Variants in MAGI2 observed in about 807,000 individuals in gnomAD.
MAGI2 encodes the protein membrane associated guanylate kinase, WW and PDZ domain containing 2, also known as membrane-associated guanylate kinase, WW and PDZ domain-containing protein 2.
A neutral mutation model predicts 133.3 loss-of-function variants in MAGI2; 35 were observed. The ratio of observed to expected loss-of-function variants is 0.26; its 90% CI spans 0.20 to 0.35. The LOEUF is 0.35. Among genes scored for constraint, MAGI2 ranks in the 10% least tolerant of loss-of-function variants. The pLI is 1.00. For missense variants in MAGI2, 1,636 were observed against 1,863.4 expected, an observed-to-expected ratio of 0.88 and a Z score of 2.25; for synonymous variants, 729 against 710.6, an observed-to-expected ratio of 1.03 and a Z score of -0.41.
chr7:78,760,059 C>T (rs112006799), intron 2 of MAGI2, among the ~76,000 whole-genome samples: 9,770 of 151,860 alleles, frequency 0.064, 355 homozygotes, highest in Admixed American at 0.11. Context: ...GAGGTTGCAG[C>T]GAGCCAAGAT....
At position 78,711,007 on chromosome 7, in the gene MAGI2, G is replaced by C. The variant is rs200391238; in HGVS notation, c.419-83768C>G. ...TAATCTGGCAATTGAAATCAGCTAA[G>C]TCTTTATAAATTCTCTTTGTAGTCT... On this transcript the variant is annotated intron_variant, in intron 2 of 21. Transcript: ENST00000354212. Among the ~76,000 whole-genome samples the C allele has an allele frequency of 2.6e-5, 4 of 152,262 alleles. No homozygotes were observed. The East Asian group carries it at 7.7e-4, about 29-fold the overall frequency.
intron 1 of MAGI2, among the ~76,000 whole-genome samples, chr7:79,418,970 A>G (rs1846747784): frequency 6.6e-6 from 1 of 152,048 alleles, no homozygotes; most frequent in African/African-American, 2.4e-5. Flanking sequence ...AAGAAAAATT[A>G]ATTAACAATG....
chr7:79,403,010 G>A (rs1352434146), intron 1 of MAGI2, among the ~76,000 whole-genome samples: 1 of 152,120 alleles, frequency 6.6e-6, no homozygotes, highest in Non-Finnish European at 1.5e-5. Context: ...CTATTTTATT[G>A]GGTATGAAGA....
chr7:78,325,612 A>T (rs188152429), intron 9 of MAGI2, among the ~76,000 whole-genome samples: 1 of 152,252 alleles, frequency 6.6e-6, no homozygotes, highest in Admixed American at 6.5e-5. Flanking sequence ...TTTTCTTCTC[A>T]TGGTTGTTAG....
intron 2 of MAGI2, among the ~76,000 whole-genome samples, chr7:78,784,102 C>T (rs1027545639): frequency 6.6e-6 from 1 of 152,002 alleles, no homozygotes; most frequent in Non-Finnish European, 1.5e-5. Context: ...TTATAACCAT[C>T]CAATTAGGTA....
intron 2 of MAGI2, among the ~76,000 whole-genome samples, chr7:78,657,795 T>C (rs1169614205): frequency 6.6e-6 from 1 of 152,188 alleles, no homozygotes; most frequent in Non-Finnish European, 1.5e-5. Context: ...GAGAACCCTA[T>C]GTAAACTATG....
At chr7:78,606,297 C>A (rs1236574599) in intron 3 of MAGI2, among the ~76,000 whole-genome samples, 1 of 152,072 alleles carries the variant, frequency 6.6e-6, no homozygotes, top group East Asian at 1.9e-4. Flanking sequence ...AGATTTTAGA[C>A]TGGGTCAGTT....
At chr7:78,108,693 TACACACAC>T in intron 20 of MAGI2, among the ~76,000 whole-genome samples, 1 of 123,078 alleles carries the variant, frequency 8.1e-6, no homozygotes, top group South Asian at 2.7e-4. Context: ...TGTGAGTGTA[TACACACAC>T]ATATGTGAGT....
At chr7:78,430,858 C>A (rs1028258679) in intron 6 of MAGI2, among the ~76,000 whole-genome samples, 1 of 152,040 alleles carries the variant, frequency 6.6e-6, no homozygotes, top group African/African-American at 2.4e-5. Context: ...CAACCAGGAT[C>A]CCTAGTTGAC....
chr7:78,487,751 A>C (rs1385323915), intron 6 of MAGI2, among the ~76,000 whole-genome samples: 1 of 152,052 alleles, frequency 6.6e-6, no homozygotes, highest in Non-Finnish European at 1.5e-5. Context: ...TTGCTGGAAA[A>C]AGATATCATC....
intron 2 of MAGI2, among the ~76,000 whole-genome samples, chr7:78,860,455 C>T (rs1415220098): frequency 1.3e-5 from 2 of 152,108 alleles, no homozygotes; most frequent in Non-Finnish European, 2.9e-5. Flanking sequence ...GTTAGTTTTC[C>T]TTCTAACAGT....
chr7:79,174,780 G>A (rs1231734273), intron 1 of MAGI2, among the ~76,000 whole-genome samples: 7 of 151,746 alleles, frequency 4.6e-5, no homozygotes, highest in Non-Finnish European at 1.0e-4. Flanking sequence ...AATACAAAAT[G>A]TTTACTTTCA....
intron 16 of MAGI2, among the ~76,000 whole-genome samples, chr7:78,152,265 A>C (rs1444088731): frequency 6.6e-6 from 1 of 152,190 alleles, no homozygotes; most frequent in Non-Finnish European, 1.5e-5. Flanking sequence ...AAGCATACCA[A>C]GTGACAACAG....
At chr7:78,162,449 C>T (rs568868701) in intron 15 of MAGI2, among the ~76,000 whole-genome samples, 1 of 147,760 alleles carries the variant, frequency 6.8e-6, no homozygotes, top group South Asian at 2.2e-4. Context: ...TGCGTGAACC[C>T]GGGAGGCAGA....
intron 1 of MAGI2, among the ~76,000 whole-genome samples, chr7:79,078,739 A>C (rs1815770227): frequency 6.6e-6 from 1 of 152,306 alleles, no homozygotes; most frequent in South Asian, 2.1e-4. Context: ...CTATAAACCA[A>C]GGAAATACAC....
intron 6 of MAGI2, among the ~76,000 whole-genome samples, chr7:78,382,192 GT>G (rs60985733): frequency 0.88 from 133,261 of 151,734 alleles, 58,578 homozygotes; most frequent in Middle Eastern, 0.9. Context: ...TCAAATGTTC[GT>G]TTTTTTTAAA....
chr7:78,317,549 C>A (rs73368770), intron 9 of MAGI2, among the ~76,000 whole-genome samples: 26,888 of 152,228 alleles, frequency 0.18, 3,813 homozygotes, highest in African/African-American at 0.38. Context: ...GAAGGCGCGG[C>A]TGTGGGCGCA....
chr7:78,356,266 C>T (rs17413355), intron 7 of MAGI2, among the ~76,000 whole-genome samples: 22,877 of 152,080 alleles, frequency 0.15, 1,860 homozygotes, highest in South Asian at 0.22. Context: ...ATGTATGTCT[C>T]GTCTCAAACT....
chr7:78,103,183 A>G (rs1414159270), intron 20 of MAGI2, among the ~76,000 whole-genome samples: 1 of 152,200 alleles, frequency 6.6e-6, no homozygotes, highest in Non-Finnish European at 1.5e-5. Flanking sequence ...AGCTATAGGG[A>G]TTGCATACCT....
Sources: allele counts gnomAD v4.1 joint callset (sites outside exome capture counted in the v4.1 genomes callset), GRCh38; gene constraint gnomAD v4.1.1; transcripts MANE v1.5; gene names NCBI Gene and HGNC (gene_info 2026-07-23, HGNC 2026-07-21).